CDH18: variants seen among roughly 807,000 people sequenced by gnomAD.
CDH18 encodes the protein cadherin 18, also known as cadherin-18.
A neutral mutation model predicts 67.9 loss-of-function variants in CDH18; 31 were observed. That is an observed-to-expected ratio of 0.46 (90% confidence interval 0.34 to 0.62). The LOEUF (loss-of-function observed/expected upper bound fraction) is 0.62, where lower values mean the gene tolerates loss of function less well. Among genes scored for constraint, CDH18 ranks in the 20% least tolerant of loss-of-function variants. CDH18 has a pLI of 0.01. For synonymous variants in CDH18, 362 were observed against 347.2 expected (o/e 1.04, Z -0.48); for missense variants, 890 against 975.5 (o/e 0.91, Z 1.17).
chr5:19,681,966 TC>T (rs1309018764), intron 5 of CDH18, among the ~76,000 whole-genome samples: 2 of 151,518 alleles, frequency 1.3e-5, no homozygotes, highest in African/African-American at 4.9e-5. Context: ...ACAGAAAGTA[TC>T]TTTGGTCATA....
At chr5:19,485,258 CTT>C (rs397884499) in intron 11 of CDH18, among the ~76,000 whole-genome samples, 66 of 137,312 alleles carry the variant, frequency 4.8e-4, no homozygotes, top group Middle Eastern at 4.0e-3. Flanking sequence ...GCTGTCTATT[CTT>C]TTTTTTTTTT....
At chr5:20,541,480 C>A (rs888929810) in intron 1 of CDH18, among the ~76,000 whole-genome samples, 3 of 151,818 alleles carry the variant, frequency 2.0e-5, no homozygotes. Context: ...AGGAAACTTA[C>A]AAAAATACAC....
chr5:20,297,201 GT>G (rs1747609872), intron 1 of CDH18, among the ~76,000 whole-genome samples: 1 of 152,092 alleles, frequency 6.6e-6, no homozygotes, highest in South Asian at 2.1e-4. Context: ...GATCCTATAG[GT>G]TTTTCCCCTT....
chr5:20,002,772 G>T (rs1168956369), intron 2 of CDH18, among the ~76,000 whole-genome samples: 1 of 152,088 alleles, frequency 6.6e-6, no homozygotes, highest in Non-Finnish European at 1.5e-5. Context: ...GCAAAAGGCA[G>T]GACTAAAGAA....
chr5:20,301,791 T>TTTTTC (rs1735949122), intron 1 of CDH18, among the ~76,000 whole-genome samples: 1 of 31,746 alleles, frequency 3.1e-5, no homozygotes, highest in Non-Finnish European at 1.0e-4. Context: ...TCTTTTTTCT[T>TTTTTC]TTTTTTTTTT....
At chr5:19,697,495 G>T (rs956152187) in intron 5 of CDH18, among the ~76,000 whole-genome samples, 1 of 152,016 alleles carries the variant, frequency 6.6e-6, no homozygotes, top group Non-Finnish European at 1.5e-5. Context: ...AAAACTCAGG[G>T]TACTAGTAAA....
chr5:20,277,243 A>G (rs1255272048), intron 1 of CDH18, among the ~76,000 whole-genome samples: 1 of 152,100 alleles, frequency 6.6e-6, no homozygotes, highest in African/African-American at 2.4e-5. Flanking sequence ...GTGCAGTCCC[A>G]GTGGTGATGG....
intron 1 of CDH18, among the ~76,000 whole-genome samples, chr5:20,285,787 T>C (rs924087913): frequency 2.0e-5 from 3 of 151,650 alleles, no homozygotes; most frequent in African/African-American, 7.2e-5. Flanking sequence ...CATAGAACAA[T>C]ATCACTTCTC....
intron 1 of CDH18, among the ~76,000 whole-genome samples, chr5:20,333,128 G>A (rs1385814463): frequency 6.6e-6 from 1 of 151,990 alleles, no homozygotes; most frequent in Non-Finnish European, 1.5e-5. Context: ...ATAGATATGA[G>A]AATTTATCTC....
At chr5:20,382,411 G>A (rs1743982332) in intron 1 of CDH18, among the ~76,000 whole-genome samples, 2 of 152,102 alleles carry the variant, frequency 1.3e-5, no homozygotes, top group African/African-American at 2.4e-5. Context: ...AACTGCAGAA[G>A]AGTGGTATAG....
At chr5:19,710,404 G>C (rs1764563435) in intron 5 of CDH18, among the ~76,000 whole-genome samples, 1 of 152,024 alleles carries the variant, frequency 6.6e-6, no homozygotes, top group East Asian at 1.9e-4. Context: ...AGTAATGCAA[G>C]GTCTCAGTGA....
At chr5:20,126,910 T>G (rs115337555) in intron 2 of CDH18, among the ~76,000 whole-genome samples, 4 of 152,150 alleles carry the variant, frequency 2.6e-5, no homozygotes, top group Non-Finnish European at 4.4e-5. Context: ...TCTCTAAAAA[T>G]TGAAATAGAA....
intron 2 of CDH18, among the ~76,000 whole-genome samples, chr5:20,040,943 C>T (rs1158991170): frequency 1.3e-5 from 2 of 152,106 alleles, no homozygotes; most frequent in East Asian, 3.8e-4. Context: ...ATTTATTTGG[C>T]CTTTGCCATG....
Position 19,571,619 on chromosome 5 carries a change from C to G in CDH18, c.1213G>C (p.Val405Leu). ...GTACTGTCAGGATCTTGTGCCAAAA[C>G]TGTACCAACGACGGTCCCAATCTTG... ...NAKIGTVVGT[V>L]LAQDPDSTNS... Residue 405 changes from valine (V) to leucine (L), a missense_variant, in exon 8 of 13, where the codon GTT becomes CTT. Coordinates refer to ENST00000382275, the MANE Select transcript of CDH18 (RefSeq NM_004934.5). 2.5e-6 allele frequency: 4 copies of G among 1,613,984 alleles called. No homozygotes were observed. The highest frequency in any genetic ancestry group is 3.4e-6 in the Non-Finnish European group (4 of 1,179,912).
chr5:20,416,436 AAT>A (rs1747313920), intron 1 of CDH18, among the ~76,000 whole-genome samples: 1 of 152,118 alleles, frequency 6.6e-6, no homozygotes. Context: ...AATGCATCAT[AAT>A]AAGAATGTGC....
intron 1 of CDH18, among the ~76,000 whole-genome samples, chr5:20,264,557 G>A (rs376490387): frequency 7.5e-4 from 114 of 151,862 alleles, no homozygotes; most frequent in South Asian, 1.2e-3. Context: ...AGAAGATCAC[G>A]TAAAATGCAA....
intron 2 of CDH18, among the ~76,000 whole-genome samples, chr5:19,951,256 A>C (rs2150263994): frequency 6.6e-6 from 1 of 152,300 alleles, no homozygotes; most frequent in East Asian, 1.9e-4. Context: ...TTCTCTACAG[A>C]TAAATGAGAA....
At chr5:19,822,397 T>C (rs13184913) in intron 3 of CDH18, among the ~76,000 whole-genome samples, 66,414 of 152,048 alleles carry the variant, frequency 0.44, 15,045 homozygotes, top group Middle Eastern at 0.59. Context: ...AAAGGTTCAA[T>C]TCTATCTGGG....
Position 19,694,894 on chromosome 5 carries a change from G to T in CDH18, c.643+26453C>A, listed in dbSNP as rs151153707. ...GTCTCAAAAAAAAAAAAAAGATAAG[G>T]TTAGATGGCTTAGGTTCCATTTCAA... On this transcript the variant is annotated intron_variant, in intron 5 of 12. Transcript: ENST00000382275. Among the ~76,000 whole-genome samples, 1,467 of 151,450 alleles carry T rather than the reference G, an allele frequency of 9.7e-3. 27 individuals carry two copies. The highest frequency in any genetic ancestry group is 0.034 in the African/African-American group (1,391 of 41,244).
Sources: allele counts gnomAD v4.1 joint callset (sites outside exome capture counted in the v4.1 genomes callset), GRCh38; gene constraint gnomAD v4.1.1; transcripts MANE v1.5; gene names NCBI Gene and HGNC (gene_info 2026-07-23, HGNC 2026-07-21).